Variants in GRM5 observed in about 807,000 individuals in gnomAD.
The protein encoded by GRM5 is glutamate metabotropic receptor 5.
GRM5 carries 19 observed loss-of-function variants against 83.1 expected under a neutral mutation model. The observed-to-expected ratio is 0.23, with a 90% CI of 0.16 to 0.34. The LOEUF (loss-of-function observed/expected upper bound fraction) is 0.34. Ranked by LOEUF, GRM5 falls within the 10% of genes least tolerant of loss-of-function variation. GRM5 has a pLI of 1.00. For synonymous variants in GRM5, 675 were observed against 633.6 expected (o/e 1.07, Z -0.98); for missense variants, 1,160 against 1,588.3 (o/e 0.73, Z 4.58).
chr11:88,977,167 CA>C (rs1323062360), intron 2 of GRM5, among the ~76,000 whole-genome samples: 49 of 150,334 alleles, frequency 3.3e-4, no homozygotes, highest in African/African-American at 1.1e-3. Context: ...GGTGATTTAA[CA>C]TAAAATATTT....
intron 2 of GRM5, among the ~76,000 whole-genome samples, chr11:89,041,027 T>G (rs2135141236): frequency 6.6e-6 from 1 of 152,332 alleles, no homozygotes; most frequent in African/African-American, 2.4e-5. Context: ...CAGCATTCCT[T>G]ATGCAGAAGC....
chr11:88,920,513 C>G (rs977026945), intron 2 of GRM5, among the ~76,000 whole-genome samples: 11 of 150,930 alleles, frequency 7.3e-5, no homozygotes, highest in Non-Finnish European at 1.5e-4. Flanking sequence ...AAATACTACT[C>G]AAAGTGTTCC....
chr11:89,030,492 T>C (rs1185027358), intron 2 of GRM5, among the ~76,000 whole-genome samples: 1 of 152,122 alleles, frequency 6.6e-6, no homozygotes, highest in Non-Finnish European at 1.5e-5. Flanking sequence ...TTTTATTTAA[T>C]GTCTTTGTGC....
intron 3 of GRM5, among the ~76,000 whole-genome samples, chr11:88,712,814 A>C (rs1941311804): frequency 6.6e-6 from 1 of 152,086 alleles, no homozygotes. Flanking sequence ...ATGACATTAG[A>C]ATCAGATGCA....
At chr11:88,764,380 T>A (rs1942585884) in intron 3 of GRM5, among the ~76,000 whole-genome samples, 1 of 151,610 alleles carries the variant, frequency 6.6e-6, no homozygotes, top group Admixed American at 6.6e-5. Context: ...AAGAACACTC[T>A]ACCAAACAAC....
intron 9 of GRM5, among the ~76,000 whole-genome samples, chr11:88,510,203 G>A (rs1234725834): frequency 2.6e-5 from 4 of 152,224 alleles, no homozygotes; most frequent in Non-Finnish European, 5.9e-5. Flanking sequence ...TTTGAGTTCT[G>A]TACTTGAATA....
chr11:88,765,427 G>A (rs1381322447), intron 3 of GRM5, among the ~76,000 whole-genome samples: 4 of 146,120 alleles, frequency 2.7e-5, no homozygotes, highest in South Asian at 2.2e-4. Context: ...AAAGTGGAAG[G>A]ACTCACACTT....
At chr11:89,013,364 CT>C (rs1940761897) in intron 2 of GRM5, among the ~76,000 whole-genome samples, 1 of 152,232 alleles carries the variant, frequency 6.6e-6, no homozygotes, top group Non-Finnish European at 1.5e-5. Flanking sequence ...CAAATAACTT[CT>C]TTTTCATTTT....
chr11:88,880,004 G>A (rs1307698310), intron 2 of GRM5, among the ~76,000 whole-genome samples: 1 of 152,090 alleles, frequency 6.6e-6, no homozygotes, highest in Non-Finnish European at 1.5e-5. Context: ...GAAGTGGTTT[G>A]GGTACACAGG....
intron 2 of GRM5, among the ~76,000 whole-genome samples, chr11:88,906,243 AT>A (rs1305605965): frequency 2.6e-5 from 4 of 152,200 alleles, no homozygotes; most frequent in African/African-American, 9.6e-5. Flanking sequence ...TTCAGCACTT[AT>A]ATTGGTCTAT....
At chr11:88,922,908 G>A (rs1200509860) in intron 2 of GRM5, among the ~76,000 whole-genome samples, 1 of 152,044 alleles carries the variant, frequency 6.6e-6, no homozygotes, top group Non-Finnish European at 1.5e-5. Context: ...AGTTTAAAAT[G>A]GGCAAAATAT....
At chr11:89,001,392 T>A (rs1345886470) in intron 2 of GRM5, among the ~76,000 whole-genome samples, 1 of 152,134 alleles carries the variant, frequency 6.6e-6, no homozygotes, top group Non-Finnish European at 1.5e-5. Context: ...GAGATATTGA[T>A]ACAGCCAACA....
In GRM5 at chr11:88,911,881, C is replaced by G. The variant is rs184557427; in HGVS notation, c.662-61726G>C. ...GTTTTATTTGGGAAGAAGAAAAAGT[C>G]CCTCTTTTGGAAATGGTGGTGGGGA... On this transcript the variant is annotated intron_variant, in intron 2 of 9. Coordinates refer to ENST00000305447, the MANE Select transcript of GRM5 (RefSeq NM_001143831.3). 1,103 of 362,054 alleles carry G rather than the reference C, an allele frequency of 3.0e-3. 2 individuals carry two copies. Among genetic ancestry groups the G allele is most frequent in the South Asian group, 8.4e-3 (375 of 44,502 alleles). The allele number at this position is 362,054 out of a possible 1,614,324, so 22.4% of individuals were successfully genotyped here.
intron 2 of GRM5, among the ~76,000 whole-genome samples, chr11:88,906,807 G>A (rs1337033655): frequency 6.6e-6 from 1 of 152,044 alleles, no homozygotes; most frequent in Non-Finnish European, 1.5e-5. Flanking sequence ...AAACTCCATT[G>A]AGCCATTATA....
At chr11:89,040,682 TAGAG>T (rs531334725) in intron 2 of GRM5, among the ~76,000 whole-genome samples, 451 of 150,956 alleles carry the variant, frequency 3.0e-3, no homozygotes, top group African/African-American at 0.01. Context: ...GCCTGGGCAA[TAGAG>T]AGAGACCCTG....
chr11:88,568,914 C>A (rs969425261), intron 7 of GRM5, among the ~76,000 whole-genome samples: 7 of 152,160 alleles, frequency 4.6e-5, no homozygotes, highest in African/African-American at 1.7e-4. Context: ...GTGCACCACT[C>A]TCAAAATCGT....
At chr11:88,654,313 T>C (rs1196691835) in intron 3 of GRM5, among the ~76,000 whole-genome samples, 4 of 151,998 alleles carry the variant, frequency 2.6e-5, no homozygotes, top group Admixed American at 1.3e-4. Flanking sequence ...GAAATAAAAA[T>C]AAAAGGCATG....
intron 4 of GRM5, among the ~76,000 whole-genome samples, chr11:88,611,014 A>T (rs763982995): frequency 6.6e-5 from 10 of 152,170 alleles, no homozygotes; most frequent in Non-Finnish European, 1.3e-4. Flanking sequence ...GTGGTAAATC[A>T]CATTTATTGA....
chr11:88,609,476 A>G (rs1366810679), intron 4 of GRM5, among the ~76,000 whole-genome samples: 1 of 152,174 alleles, frequency 6.6e-6, no homozygotes, highest in Non-Finnish European at 1.5e-5. Flanking sequence ...TGTGATGAAC[A>G]TATAAAGGGA....
Sources: gnomAD v4.1 joint callset for allele counts (sites outside exome capture counted in the v4.1 genomes callset) on GRCh38, gnomAD v4.1.1 for gene constraint, MANE v1.5 for transcripts, NCBI Gene and HGNC (gene_info 2026-07-23, HGNC 2026-07-21) for gene names.